Variants in CLNK observed in about 807,000 individuals in gnomAD.
CLNK encodes the protein cytokine-dependent hematopoietic cell linker.
Under a neutral mutation model 68.6 loss-of-function variants are expected in CLNK, and 74 were observed. The ratio of observed to expected loss-of-function variants is 1.08; its 90% CI spans 0.89 to 1.31. The LOEUF is 1.31. Ranked by LOEUF, CLNK falls within the 50% of genes most tolerant of loss-of-function variation. CLNK has a pLI of 0.00. For missense variants in CLNK, 553 were observed against 515.3 expected (o/e 1.07, Z -0.71); for synonymous variants, 198 against 172.2 (o/e 1.15, Z -1.17).
intron 1 of CLNK, among the ~76,000 whole-genome samples, chr4:10,668,367 G>A (rs532652166): frequency 1.3e-5 from 2 of 152,238 alleles, no homozygotes; most frequent in Non-Finnish European, 1.5e-5. Flanking sequence ...TTTTATTTGA[G>A]CCTTGTATTC....
At chr4:10,611,340 A>T (rs2108854274) in intron 2 of CLNK, among the ~76,000 whole-genome samples, 1 of 151,986 alleles carries the variant, frequency 6.6e-6, no homozygotes, top group Non-Finnish European at 1.5e-5. Flanking sequence ...CAAACAAACA[A>T]CACAAAAATT....
At chr4:10,642,106 C>T (rs553052872) in intron 2 of CLNK, among the ~76,000 whole-genome samples, 2 of 152,260 alleles carry the variant, frequency 1.3e-5, no homozygotes, top group African/African-American at 4.8e-5. Flanking sequence ...GTATGAGAAA[C>T]AAACTGTGTA....
At chr4:10,583,659 C>G (rs1020105543) in intron 4 of CLNK, among the ~76,000 whole-genome samples, 1 of 151,936 alleles carries the variant, frequency 6.6e-6, no homozygotes, top group Non-Finnish European at 1.5e-5. Flanking sequence ...GGTGTAGGTT[C>G]GAGTGTGTAT....
intron 15 of CLNK, 48 bp downstream of exon 15, chr4:10,520,743 A>G (rs781518945): frequency 7.1e-6 from 10 of 1,406,638 alleles, no homozygotes; most frequent in Middle Eastern, 3.5e-4. Flanking sequence ...ACAATATCAC[A>G]GTATCGTGAC....
At chr4:10,515,420 C>T (rs1274457446) in intron 15 of CLNK, among the ~76,000 whole-genome samples, 1 of 151,930 alleles carries the variant, frequency 6.6e-6, no homozygotes, top group Non-Finnish European at 1.5e-5. Flanking sequence ...TTAAACATGA[C>T]AAGTTCATTC....
At chr4:10,699,464 CTG>C in the CLNK span, among the ~76,000 whole-genome samples, 19 of 41,426 alleles carry the variant, frequency 4.6e-4, no homozygotes, top group Admixed American at 9.4e-4. Flanking sequence ...TACATCCTCT[CTG>C]TCTCTCTCTC....
rs77180235 is a variant in CLNK at position 10,589,343 on chromosome 4, G to A, written c.84-4388C>T. On this transcript the variant is annotated intron_variant, in intron 3 of 18. Transcript: ENST00000226951. The stretch of plus-strand genomic sequence containing the variant: ...CAAGCCTATAGCAGCAACGTAGACC[G>A]CAGAGTTCTCTTGTCTGGGAGCTTC... Among the ~76,000 whole-genome samples the A allele has an allele frequency of 5.0e-3, 764 of 152,232 alleles. 6 individuals are homozygous for A. The highest frequency in any genetic ancestry group is 0.018 in the African/African-American group (744 of 41,536).
At chr4:10,490,664 G>C in intron 18 of CLNK, 51 bp from the exon 19 acceptor site, 1 of 1,456,214 alleles carries the variant, frequency 6.9e-7, no homozygotes, top group Non-Finnish European at 9.4e-7. Context: ...TTTTGTGTCT[G>C]TAGGTTAAAG....
At chr4:10,674,196 G>T (rs144514943) in intron 1 of CLNK, among the ~76,000 whole-genome samples, 175 of 152,276 alleles carry the variant, frequency 1.1e-3, no homozygotes, top group African/African-American at 3.8e-3. Context: ...GGGACTCACT[G>T]TCAGGGAGGG....
chr4:10,540,377 C>T lies in CLNK; in HGVS notation c.602+117G>A, dbSNP rs969309317. 5 of 722,066 alleles carry T rather than the reference C, an allele frequency of 6.9e-6. No homozygotes were observed. The African/African-American group carries it at 7.0e-5, about 10-fold the overall frequency. The allele number at this position is 722,066 out of a possible 1,614,324, so 44.7% of individuals were successfully genotyped here. A position where few individuals can be genotyped will look rare whatever the true frequency, so the allele number is the denominator to read the frequency against. Reference sequence around the variant, plus strand: ...GGTTATGTCTTTGAATGGACCAATACACTCCCCACCCATTAGGGAGCCTGC... The same window carrying T: ...GGTTATGTCTTTGAATGGACCAATATACTCCCCACCCATTAGGGAGCCTGC... On this transcript the variant is annotated intron_variant, in intron 11 of 18. Coordinates refer to ENST00000226951, the MANE Select transcript of CLNK (RefSeq NM_052964.4).
At position 10,512,808 on chromosome 4, in the gene CLNK, G is replaced by A. The variant is rs897581033; in HGVS notation, c.906+656C>T. Among the ~76,000 whole-genome samples, 4 of 151,070 alleles carry A rather than the reference G, an allele frequency of 2.6e-5. No individual in the cohort carries two copies. In the Admixed American group the frequency reaches 2.7e-4, roughly 10 times the overall value. ...AGTAAGTAACATCCAATGTGATGGA[G>A]AGAAAGCATACAAGATACAGTGAAA... is the stretch of plus-strand genomic sequence containing the variant. On this transcript the variant is annotated intron_variant, in intron 16 of 18. Coordinates refer to ENST00000226951, the MANE Select transcript of CLNK (RefSeq NM_052964.4).
At chr4:10,622,749 C>T (rs1200064010) in intron 2 of CLNK, among the ~76,000 whole-genome samples, 2 of 152,278 alleles carry the variant, frequency 1.3e-5, no homozygotes, top group East Asian at 3.9e-4. Context: ...GCTGCTATAA[C>T]CGAATAGCAT....
intron 15 of CLNK, among the ~76,000 whole-genome samples, chr4:10,514,740 A>T (rs1342000103): frequency 6.6e-6 from 1 of 151,216 alleles, no homozygotes; most frequent in East Asian, 1.9e-4. Context: ...CCAAAGCCAA[A>T]ATTGACAAAT....
intron 15 of CLNK, among the ~76,000 whole-genome samples, chr4:10,519,058 G>T (rs1717954785): frequency 6.6e-6 from 1 of 152,130 alleles, no homozygotes; most frequent in African/African-American, 2.4e-5. Flanking sequence ...CCCAATTTTT[G>T]GTACAAACCA....
intron 3 of CLNK, 62 bp from the exon 4 acceptor site, chr4:10,585,017 A>G (rs937891203): frequency 3.1e-5 from 48 of 1,565,722 alleles, no homozygotes; most frequent in Non-Finnish European, 4.1e-5. Flanking sequence ...ACCCCCCGCC[A>G]CATAGGAACA....
At chr4:10,500,672 C>CAAAA (rs11370372) in intron 18 of CLNK, among the ~76,000 whole-genome samples, 2 of 141,266 alleles carry the variant, frequency 1.4e-5, no homozygotes, top group Admixed American at 7.1e-5. Context: ...GTCTCTGTCT[C>CAAAA]AAAAAAAAAA....
At chr4:10,658,609 T>A (rs1724071308) in intron 2 of CLNK, among the ~76,000 whole-genome samples, 1 of 152,038 alleles carries the variant, frequency 6.6e-6, no homozygotes, top group Admixed American at 6.6e-5. Context: ...CCCCAAAGGG[T>A]GTCTCCCCAG....
At chr4:10,663,211 C>T (rs1024074404) in intron 2 of CLNK, among the ~76,000 whole-genome samples, 4 of 152,222 alleles carry the variant, frequency 2.6e-5, no homozygotes, top group Non-Finnish European at 5.9e-5. Flanking sequence ...TCTGTCTGCT[C>T]TTCTCTAATA....
At chr4:10,599,891 C>T (rs1168315810) in intron 2 of CLNK, among the ~76,000 whole-genome samples, 1 of 152,296 alleles carries the variant, frequency 6.6e-6, no homozygotes, top group East Asian at 1.9e-4. Context: ...GCTTTCCTGG[C>T]CTCCTGGGTT....
Sources: allele counts gnomAD v4.1 joint callset (sites outside exome capture counted in the v4.1 genomes callset), GRCh38; gene constraint gnomAD v4.1.1; transcripts MANE v1.5; gene names NCBI Gene and HGNC (gene_info 2026-07-23, HGNC 2026-07-21).